Variants in CDH6 observed in about 807,000 individuals in gnomAD.
The protein encoded by CDH6 is cadherin 6.
A neutral mutation model predicts 78.0 loss-of-function variants in CDH6; 31 were observed. The observed-to-expected ratio is 0.40, with a 90% CI of 0.30 to 0.54. CDH6 has a LOEUF of 0.54. Among genes scored for constraint, CDH6 ranks in the 20% least tolerant of loss-of-function variants. The pLI is 0.56. For synonymous variants in CDH6, 376 were observed against 368.8 expected (o/e 1.02, Z -0.23); for missense variants, 724 against 975.9 (o/e 0.74, Z 3.44).
intron 10 of CDH6, 43 bp from the exon 11 acceptor site, chr5:31,317,630 C>T (rs772118447): frequency 2.5e-6 from 4 of 1,587,766 alleles, no homozygotes; most frequent in Admixed American, 1.7e-5. Context: ...TAATACATGA[C>T]GCAGTATCCA....
chr5:31,226,591 C>T (rs1410415507), intron 1 of CDH6, among the ~76,000 whole-genome samples: 1 of 152,158 alleles, frequency 6.6e-6, no homozygotes, highest in East Asian at 1.9e-4. Flanking sequence ...GCCATGTTCA[C>T]ACAGCATATT....
At chr5:31,272,538 G>C (rs1036076277) in intron 2 of CDH6, among the ~76,000 whole-genome samples, 2 of 152,166 alleles carry the variant, frequency 1.3e-5, no homozygotes, top group Non-Finnish European at 2.9e-5. Context: ...AAGAGCACAG[G>C]TAGACGTAGA....
chr5:31,219,432 C>T, intron 1 of CDH6, among the ~76,000 whole-genome samples: 1 of 152,102 alleles, frequency 6.6e-6, no homozygotes, highest in Non-Finnish European at 1.5e-5. Context: ...ATCCAATTTT[C>T]CCTGTAACAC....
chr5:31,234,064 T>C (rs1165694466), intron 1 of CDH6, among the ~76,000 whole-genome samples: 2 of 152,198 alleles, frequency 1.3e-5, no homozygotes, highest in Non-Finnish European at 2.9e-5. Context: ...TTTTTCATAA[T>C]GTTTTTCTGT....
intron 1 of CDH6, among the ~76,000 whole-genome samples, chr5:31,195,102 A>T (rs1356833328): frequency 1.3e-5 from 2 of 152,102 alleles, no homozygotes; most frequent in Non-Finnish European, 1.5e-5. Context: ...AAAAAAATTT[A>T]AATGATGATA....
rs1296003703 is a variant in CDH6 at position 31,299,730 on chromosome 5, A to T, written c.811+99A>T. The T allele has an allele frequency of 1.1e-5, 11 of 1,016,482 alleles. 1 individual carries two copies. The highest frequency in any genetic ancestry group is 2.1e-4 in the Middle Eastern group (1 of 4,706). 63.0% of individuals were successfully genotyped at this position (1,016,482 alleles called of 1,614,324 possible). ...CATTGTCATCATTATTGTCAAAGTT[A>T]GTGGACTTAAGAAGAACTGGTACTT... On this transcript the variant is annotated intron_variant, in intron 5 of 11. Coordinates refer to ENST00000265071, the MANE Select transcript of CDH6 (RefSeq NM_004932.4).
intron 4 of CDH6, among the ~76,000 whole-genome samples, chr5:31,298,874 G>A (rs1737678125): frequency 6.6e-6 from 1 of 152,002 alleles, no homozygotes; most frequent in South Asian, 2.1e-4. Flanking sequence ...AAATTCTCTA[G>A]AATCATACAA....
In CDH6 at chr5:31,328,039, T is replaced by G. The variant is rs1283760860; in HGVS notation, c.*4731T>G. ...ACGTTAGCCCAACAGAGCCGGCAGATGAAAGTGTTGAAAAGAGGTCAAATG... is the reference window on the plus strand; with the variant it reads ...ACGTTAGCCCAACAGAGCCGGCAGAGGAAAGTGTTGAAAAGAGGTCAAATG... On this transcript the variant is annotated 3_prime_UTR_variant, in exon 12 of 12. Transcript: ENST00000265071. 1 of 217,736 alleles carries G rather than the reference T, an allele frequency of 4.6e-6. No homozygotes were observed. Among genetic ancestry groups the G allele is most frequent in the South Asian group, 1.9e-4 (1 of 5,358 alleles). 13.5% of individuals were successfully genotyped at this position (217,736 alleles called of 1,614,324 possible).
At chr5:31,302,708 GAAA>G (rs61544846) in intron 6 of CDH6, among the ~76,000 whole-genome samples, 32 of 96,762 alleles carry the variant, frequency 3.3e-4, no homozygotes, top group East Asian at 8.0e-4. Context: ...GTGAGACTCT[GAAA>G]AAAAAAAAAA....
At chr5:31,259,242 CA>C (rs1419844267) in intron 1 of CDH6, among the ~76,000 whole-genome samples, 3 of 152,206 alleles carry the variant, frequency 2.0e-5, no homozygotes, top group Admixed American at 2.0e-4. Flanking sequence ...ACACTTTATG[CA>C]AGTATTAGCC....
chr5:31,269,679 G>A (rs1435768388), intron 2 of CDH6, among the ~76,000 whole-genome samples: 1 of 152,216 alleles, frequency 6.6e-6, no homozygotes, highest in Non-Finnish European at 1.5e-5. Context: ...TATCACTGCA[G>A]AAGTAAACTG....
intron 1 of CDH6, among the ~76,000 whole-genome samples, chr5:31,235,565 C>T (rs1293619952): frequency 2.0e-5 from 3 of 152,114 alleles, no homozygotes; most frequent in Non-Finnish European, 4.4e-5. Context: ...CTACTGACCA[C>T]GTGGCAGGAA....
At chr5:31,231,575 G>C (rs536333310) in intron 1 of CDH6, among the ~76,000 whole-genome samples, 45 of 152,328 alleles carry the variant, frequency 3.0e-4, no homozygotes, top group African/African-American at 1.0e-3. Flanking sequence ...CTTGCTGGTA[G>C]AGACTCTATG....
chr5:31,322,839 C>T lies in CDH6; in HGVS notation c.1904C>T (p.Ala635Val). The change falls in exon 12 of 12, where the codon GCT becomes GTT. Residue 635 changes from alanine (A) to valine (V), a missense_variant. Coordinates refer to ENST00000265071, the MANE Select transcript of CDH6 (RefSeq NM_004932.4). ...ILLVTVVLFA[A>V]LRRQRKKEPL... is the part of the protein sequence containing the mutation. ...CCAGTGACAGTGGTGCTGTTTGCAG[C>T]TCTGAGGCGGCAGCGAAAAAAAGAG... 2 of 1,613,750 alleles carry T rather than the reference C, an allele frequency of 1.2e-6. No individual in the cohort carries two copies.
chr5:31,309,841 C>A (rs1280886972), intron 7 of CDH6, among the ~76,000 whole-genome samples: 1 of 152,180 alleles, frequency 6.6e-6, no homozygotes, highest in Non-Finnish European at 1.5e-5. Flanking sequence ...AACTCACTCA[C>A]TATCACAATA....
At chr5:31,196,999 G>A (rs1201169058) in intron 1 of CDH6, among the ~76,000 whole-genome samples, 1 of 151,576 alleles carries the variant, frequency 6.6e-6, no homozygotes, top group Non-Finnish European at 1.5e-5. Context: ...ATATTTGCAG[G>A]AAAAAAAAGT....
intron 4 of CDH6, among the ~76,000 whole-genome samples, chr5:31,298,407 G>A (rs1201775668): frequency 1.3e-5 from 2 of 152,116 alleles, no homozygotes; most frequent in African/African-American, 2.4e-5. Context: ...CAATGAGGAT[G>A]AAAAATTAGA....
intron 1 of CDH6, among the ~76,000 whole-genome samples, chr5:31,255,309 G>A (rs913377185): frequency 2.6e-5 from 4 of 152,174 alleles, no homozygotes; most frequent in East Asian, 1.9e-4. Flanking sequence ...GAAATGGGGC[G>A]TCTTTGACAA....
chr5:31,302,073 AGTCTATGTTTGACTT>A (rs1561065094), intron 5 of CDH6, 23 bp from the exon 6 acceptor site: 4 of 1,383,798 alleles, frequency 2.9e-6, no homozygotes, highest in Non-Finnish European at 4.0e-6. Flanking sequence ...GAGTGTGGTT[AGTCTATGTTTGACTT>A]ATATCTGTCT....
Sources: allele counts gnomAD v4.1 joint callset (sites outside exome capture counted in the v4.1 genomes callset), GRCh38; gene constraint gnomAD v4.1.1; transcripts MANE v1.5; gene names NCBI Gene and HGNC (gene_info 2026-07-23, HGNC 2026-07-21).